CIT: variants seen among roughly 807,000 people sequenced by gnomAD.
The protein encoded by CIT is citron rho-interacting serine/threonine kinase.
CIT carries 79 observed loss-of-function variants against 272.7 expected under a neutral mutation model. The ratio of observed to expected loss-of-function variants is 0.29; its 90% CI spans 0.24 to 0.35. The LOEUF is 0.35. Ranked by LOEUF, CIT falls within the 10% of genes least tolerant of loss-of-function variation. CIT has a pLI of 1.00. For missense variants in CIT, 1,909 were observed against 2,618.3 expected (o/e 0.73, Z 5.91); for synonymous variants, 948 against 995.6 (o/e 0.95, Z 0.90).
At chr12:119,733,503 C>A (rs1161010870) in intron 26 of CIT, among the ~76,000 whole-genome samples, 1 of 148,562 alleles carries the variant, frequency 6.7e-6, no homozygotes, top group Non-Finnish European at 1.5e-5. Flanking sequence ...CACTGCACTC[C>A]AGCCTGGGTG....
intron 16 of CIT, 103 bp downstream of exon 16, chr12:119,775,683 G>T: frequency 1.2e-6 from 1 of 839,400 alleles, no homozygotes; most frequent in South Asian, 1.5e-5. Flanking sequence ...AGCGCTGGGT[G>T]ACTAATTCTG....
intron 16 of CIT, among the ~76,000 whole-genome samples, chr12:119,775,289 T>TA (rs1444892016): frequency 6.6e-6 from 1 of 152,078 alleles, no homozygotes; most frequent in East Asian, 1.9e-4. Flanking sequence ...AAATTTTTTT[T>TA]AATTAAATAA....
chr12:119,874,714 G>A (rs1304156488), intron 2 of CIT, among the ~76,000 whole-genome samples: 7 of 151,674 alleles, frequency 4.6e-5, no homozygotes, highest in Admixed American at 1.3e-4. Context: ...GTGAAACCCC[G>A]TCTCTACTAA....
chr12:119,700,663 G>A lies in CIT; in HGVS notation c.5623+82C>T, dbSNP rs1956506705. The A allele has an allele frequency of 5.1e-6, 6 of 1,171,312 alleles. No homozygotes were observed. In the East Asian group the frequency reaches 1.2e-4, roughly 23 times the overall value. 72.6% of individuals were successfully genotyped at this position (1,171,312 alleles called of 1,614,324 possible). ...CCCAAAGTGTTGGGATTACAGGCGT[G>A]AGCCACCGCACCCGGATGCAATTCT... On this transcript the variant is annotated intron_variant, in intron 44 of 47. Transcript: ENST00000392521.
intron 5 of CIT, among the ~76,000 whole-genome samples, chr12:119,843,837 G>A (rs1188377466): frequency 1.3e-5 from 2 of 151,846 alleles, no homozygotes; most frequent in Non-Finnish European, 2.9e-5. Context: ...AACTGCCAAG[G>A]GAGCGTGATA....
rs761831562 is a variant in CIT, at chr12:119,700,847, T to C, written c.5543-22A>G. ...AATTCTGCAAGGTGTCAAGAGCACG[T>C]GGGCATTAGCACAGCCAAGAGCAGG... On this transcript the variant is annotated intron_variant, in intron 43 of 47. Coordinates refer to ENST00000392521, the MANE Select transcript of CIT (RefSeq NM_001206999.2). 8.7e-6 allele frequency: 14 copies of C among 1,603,012 alleles called. 1 individual carries two copies. In the East Asian group the frequency reaches 1.3e-4, roughly 15 times the overall value.
rs1324623437 is a variant in CIT, at chr12:119,796,948, C to T, written c.1295+6258G>A. Among the ~76,000 whole-genome samples the T allele has an allele frequency of 2.0e-5, 3 of 152,178 alleles. No individual in the cohort carries two copies. In the East Asian group the frequency reaches 5.8e-4, roughly 29 times the overall value. The stretch of plus-strand genomic sequence containing the variant: ...TTTGGTGGTTAGGTACAATCAACGG[C>T]TTCTGAGACAGTCATTTCAGTATTG... On this transcript the variant is annotated intron_variant, in intron 10 of 47. Transcript: ENST00000392521.
intron 9 of CIT, 113 bp from the exon 10 acceptor site, chr12:119,803,502 G>T: frequency 1.4e-6 from 1 of 718,412 alleles, no homozygotes; most frequent in Non-Finnish European, 2.3e-6. Context: ...TGGCACTGCA[G>T]CGCCTGCTTT....
intron 10 of CIT, among the ~76,000 whole-genome samples, chr12:119,794,998 G>A (rs1965615538): frequency 6.6e-6 from 1 of 152,220 alleles, no homozygotes; most frequent in Non-Finnish European, 1.5e-5. Context: ...CCTGAGTTCA[G>A]CCCACGTCTG....
Position 119,758,624 on chromosome 12 carries a change from G to T in CIT, c.2498C>A (p.Ala833Glu). The change falls in exon 21 of 48, where the codon GCA becomes GAA. Residue 833 changes from alanine (A) to glutamate (E), a missense_variant. Transcript: ENST00000392521. The part of the protein sequence containing the change: ...IVELSEANKL[A>E]ANSSLFTQRN... ...TTGGGTAAAAAGACTGCTATTTGCTGCAAGTTTATTGGCTTCAGACAGTTC... is the reference window on the plus strand; with the variant it reads ...TTGGGTAAAAAGACTGCTATTTGCTTCAAGTTTATTGGCTTCAGACAGTTC... 3 of 1,613,208 alleles carry T rather than the reference G, an allele frequency of 1.9e-6. No individual in the cohort carries two copies. The highest frequency in any genetic ancestry group is 2.5e-6 in the Non-Finnish European group (3 of 1,179,140).
In CIT at chr12:119,694,795, G is replaced by A. The variant is rs1023509763; in HGVS notation, c.5882+2864C>T. 1.3e-5 allele frequency among the ~76,000 whole-genome samples: 2 copies of A among 151,986 alleles called. No individual in the cohort carries two copies. Among genetic ancestry groups the A allele is most frequent in the African/African-American group, 4.8e-5 (2 of 41,354 alleles). ...GTGCTCCAGCCTGGGCACAGAGTGA[G>A]ACCCTACCTCGAAAAAAAATAAATA... On this transcript the variant is annotated intron_variant, in intron 46 of 47. Coordinates refer to ENST00000392521, the MANE Select transcript of CIT (RefSeq NM_001206999.2). This position sits in a 1 kb window ranked among gnomAD's most constrained non-coding sequence, Gnocchi z 4.5.
intron 4 of CIT, among the ~76,000 whole-genome samples, chr12:119,855,315 C>T (rs994345048): frequency 6.6e-6 from 1 of 151,880 alleles, no homozygotes; most frequent in Non-Finnish European, 1.5e-5. Context: ...CCCAGCTACT[C>T]GGGAGGCTGA....
rs1490612842 is a variant in CIT, at chr12:119,713,757, G to T, written c.4307-109C>A. 2 of 1,185,648 alleles carry T rather than the reference G, an allele frequency of 1.7e-6. No individual in the cohort carries two copies. Among genetic ancestry groups the T allele is most frequent in the Non-Finnish European group, 2.5e-6 (2 of 807,278 alleles). The allele number at this position is 1,185,648 out of a possible 1,614,324, so 73.4% of individuals were successfully genotyped here. A position where few individuals can be genotyped will look rare whatever the true frequency, so the allele number is the denominator to read the frequency against. On this transcript the variant is annotated intron_variant, in intron 33 of 47. Transcript: ENST00000392521. The surrounding 1 kb of genome is among the most constrained non-coding windows in gnomAD (Gnocchi z 5.2). The stretch of plus-strand genomic sequence containing the variant: ...TCTCTACCCCAGCCGGGCCCAGAGA[G>T]TCTGGCCCTGGCTTGCAGGTAGTCT...
intron 3 of CIT, among the ~76,000 whole-genome samples, chr12:119,866,139 A>G (rs1950508759): frequency 6.6e-6 from 1 of 152,038 alleles, no homozygotes; most frequent in Non-Finnish European, 1.5e-5. Context: ...GCCAAGTTAG[A>G]ATCTTCCCTG....
intron 10 of CIT, among the ~76,000 whole-genome samples, chr12:119,796,109 T>C (rs1290038343): frequency 6.6e-6 from 1 of 152,174 alleles, no homozygotes. Context: ...CAGTAGGGGA[T>C]GAGGAGACAC....
chr12:119,711,355 A>G lies in CIT; in HGVS notation c.4855-735T>C, dbSNP rs566734987. 3.3e-5 allele frequency among the ~76,000 whole-genome samples: 5 copies of G among 152,358 alleles called. No individual in the cohort carries two copies. The East Asian group carries it at 9.7e-4, about 29-fold the overall frequency. On this transcript the variant is annotated intron_variant, in intron 37 of 47. Coordinates refer to ENST00000392521, the MANE Select transcript of CIT (RefSeq NM_001206999.2). ...TTTTAGGTGGGGTGATGCCAATCACAGCACACCTACGTTTCTAACAGCTTA... is the reference window on the plus strand; with the variant it reads ...TTTTAGGTGGGGTGATGCCAATCACGGCACACCTACGTTTCTAACAGCTTA...
At chr12:119,785,335 G>A (rs543666274) in intron 10 of CIT, among the ~76,000 whole-genome samples, 1 of 152,248 alleles carries the variant, frequency 6.6e-6, no homozygotes, top group South Asian at 2.1e-4. Flanking sequence ...ATCTGGATGG[G>A]TACAATGAAA....
At chr12:119,793,694 T>C (rs1321902279) in intron 10 of CIT, among the ~76,000 whole-genome samples, 1 of 152,244 alleles carries the variant, frequency 6.6e-6, no homozygotes, top group African/African-American at 2.4e-5. Flanking sequence ...TCTGGAATAC[T>C]CTTCCCACTT....
intron 5 of CIT, among the ~76,000 whole-genome samples, chr12:119,847,266 A>G (rs901035937): frequency 1.3e-5 from 2 of 152,122 alleles, no homozygotes; most frequent in Non-Finnish European, 2.9e-5. Context: ...TTACAGGTGT[A>G]AGCCACCACA....
Sources: gnomAD v4.1 joint callset for allele counts (sites outside exome capture counted in the v4.1 genomes callset) on GRCh38, gnomAD v4.1.1 for gene constraint, Gnocchi (gnomAD v3.1) non-coding constraint, MANE v1.5 for transcripts, NCBI Gene and HGNC (gene_info 2026-07-23, HGNC 2026-07-21) for gene names.